Variants in SGCD observed in about 807,000 individuals in gnomAD.
The protein encoded by SGCD is sarcoglycan delta.
SGCD carries 18 observed loss-of-function variants against 36.6 expected under a neutral mutation model. That is an observed-to-expected ratio of 0.49 (90% CI 0.34 to 0.73). The LOEUF is 0.73. SGCD is among the 30% of genes least tolerant of loss of function. SGCD has a pLI of 0.01. For synonymous variants in SGCD, 133 were observed against 130.6 expected (o/e 1.02, Z -0.12); for missense variants, 387 against 346.7 (o/e 1.12, Z -0.92).
chr5:156,245,996 T>C (rs192760762), intron 3 of SGCD, among the ~76,000 whole-genome samples: 5 of 152,282 alleles, frequency 3.3e-5, no homozygotes, highest in African/African-American at 1.2e-4. Flanking sequence ...AAACTATACA[T>C]ACAACCACAG....
intron 3 of SGCD, among the ~76,000 whole-genome samples, chr5:156,374,272 C>T (rs896842332): frequency 6.6e-6 from 1 of 152,122 alleles, no homozygotes; most frequent in Non-Finnish European, 1.5e-5. Flanking sequence ...CAGAAAATAC[C>T]TGTGAAACAA....
At chr5:156,447,341 T>C (rs894623306) in intron 3 of SGCD, among the ~76,000 whole-genome samples, 1 of 152,134 alleles carries the variant, frequency 6.6e-6, no homozygotes, top group African/African-American at 2.4e-5. Flanking sequence ...TAATACAATA[T>C]AACACACAAA....
chr5:156,169,591 A>G (rs1301676832), intron 3 of SGCD, among the ~76,000 whole-genome samples: 1 of 152,178 alleles, frequency 6.6e-6, no homozygotes, highest in Non-Finnish European at 1.5e-5. Flanking sequence ...ACTATATAAG[A>G]TGCCAGGTGA....
At chr5:156,607,738 A>G (rs141873448) in intron 6 of SGCD, among the ~76,000 whole-genome samples, 16,461 of 152,176 alleles carry the variant, frequency 0.11, 1,148 homozygotes, top group Admixed American at 0.17. Context: ...TTATTGGTCT[A>G]TTCAGAGATT....
In SGCD at chr5:156,760,548, C is replaced by G. The variant is rs1043320685; in HGVS notation, c.*1158C>G. The G allele has an allele frequency of 7.2e-5, 11 of 152,568 alleles. No homozygotes were observed. The highest frequency in any genetic ancestry group is 2.4e-4 in the African/African-American group (10 of 41,428). The allele number at this position is 152,568 out of a possible 1,614,324, so 9.5% of individuals were successfully genotyped here. On this transcript the variant is annotated 3_prime_UTR_variant, in exon 9 of 9. Transcript: ENST00000337851. ...CCACTATTGTGTTTTCTCTAAGAAGCACTACATGCCACCAGAATTGTGCAC... is the reference window on the plus strand; with the variant it reads ...CCACTATTGTGTTTTCTCTAAGAAGGACTACATGCCACCAGAATTGTGCAC...
chr5:156,445,388 T>C (rs1465228717), intron 3 of SGCD, among the ~76,000 whole-genome samples: 1 of 152,092 alleles, frequency 6.6e-6, no homozygotes, highest in Admixed American at 6.5e-5. Flanking sequence ...GGTTACAAAA[T>C]AGGAATGTAT....
the SGCD span, among the ~76,000 whole-genome samples, chr5:155,852,501 C>G: frequency 6.6e-6 from 1 of 152,012 alleles, no homozygotes; most frequent in African/African-American, 2.4e-5. Flanking sequence ...AATTATTTCT[C>G]TATGGTAAAT....
At chr5:155,951,006 C>A (rs2113430153) in intron 1 of SGCD, among the ~76,000 whole-genome samples, 1 of 152,228 alleles carries the variant, frequency 6.6e-6, no homozygotes, top group East Asian at 1.9e-4. Flanking sequence ...AGTCTTTGAA[C>A]TTCATAGGAT....
intron 1 of SGCD, among the ~76,000 whole-genome samples, chr5:155,967,764 A>G (rs974492255): frequency 3.3e-5 from 5 of 152,048 alleles, no homozygotes; most frequent in African/African-American, 1.2e-4. Context: ...ATTTGCTTTC[A>G]CTGCCTCGAT....
the SGCD span, among the ~76,000 whole-genome samples, chr5:155,739,287 A>G: frequency 1.3e-5 from 2 of 152,182 alleles, no homozygotes; most frequent in African/African-American, 4.8e-5. Flanking sequence ...AGTATCTGCT[A>G]AAAGATCTTT....
intron 3 of SGCD, among the ~76,000 whole-genome samples, chr5:156,190,868 G>C (rs1763875353): frequency 1.3e-5 from 2 of 151,960 alleles, no homozygotes; most frequent in Admixed American, 1.3e-4. Flanking sequence ...AACTTCTTTA[G>C]AATTTAAAGT....
At position 156,595,191 on chromosome 5, in the gene SGCD, A is replaced by T. The variant is rs145889572; in HGVS notation, c.502+140A>T. ...TAACTCCCAAGATAATGGTATTAGG[A>T]GGTGGAGCCTTGAGGGGTAATTAAG... On this transcript the variant is annotated intron_variant, in intron 6 of 8. Transcript: ENST00000337851. 3.0e-4 allele frequency: 305 copies of T among 1,027,690 alleles called. No individual in the cohort carries two copies. The African/African-American group carries it at 4.2e-3, about 14-fold the overall frequency. The allele number at this position is 1,027,690 out of a possible 1,614,324, so 63.7% of individuals were successfully genotyped here. A position where few individuals can be genotyped will look rare whatever the true frequency, so the allele number is the denominator to read the frequency against.
intron 7 of SGCD, among the ~76,000 whole-genome samples, chr5:156,719,637 C>T (rs1755393903): frequency 6.6e-6 from 1 of 151,936 alleles, no homozygotes; most frequent in Admixed American, 6.6e-5. Flanking sequence ...GATGGTGTTG[C>T]ACTATACAAT....
At chr5:156,747,345 T>C (rs1395467631) in intron 7 of SGCD, among the ~76,000 whole-genome samples, 1 of 152,176 alleles carries the variant, frequency 6.6e-6, no homozygotes, top group Non-Finnish European at 1.5e-5. Flanking sequence ...TTACCTTTCA[T>C]TTTCTGTAGG....
At chr5:156,719,769 A>T (rs1163829216) in intron 7 of SGCD, among the ~76,000 whole-genome samples, 3 of 152,120 alleles carry the variant, frequency 2.0e-5, no homozygotes, top group Non-Finnish European at 4.4e-5. Flanking sequence ...GGGAACCAAC[A>T]AGATGACCCT....
intron 3 of SGCD, among the ~76,000 whole-genome samples, chr5:156,492,715 G>GC (rs1232696085): frequency 6.6e-6 from 1 of 151,940 alleles, no homozygotes; most frequent in South Asian, 2.1e-4. Flanking sequence ...ATCTATCCTA[G>GC]CCCCCACCAC....
intron 3 of SGCD, among the ~76,000 whole-genome samples, chr5:156,443,596 T>C (rs1753600246): frequency 6.6e-6 from 1 of 152,132 alleles, no homozygotes; most frequent in African/African-American, 2.4e-5. Context: ...CACTGCTAAT[T>C]GGGTGTAATT....
At chr5:156,531,992 C>T (rs1435921501) in intron 4 of SGCD, among the ~76,000 whole-genome samples, 1 of 151,880 alleles carries the variant, frequency 6.6e-6, no homozygotes, top group Admixed American at 6.6e-5. Context: ...CGCCTGTAAT[C>T]CCAGCTACTC....
intron 7 of SGCD, among the ~76,000 whole-genome samples, chr5:156,679,203 C>T (rs995306229): frequency 1.3e-5 from 2 of 152,062 alleles, no homozygotes; most frequent in Non-Finnish European, 2.9e-5. Flanking sequence ...TTTCTAAGGA[C>T]CTCCTTCTAG....
Sources: gnomAD v4.1 joint callset for allele counts (sites outside exome capture counted in the v4.1 genomes callset) on GRCh38, gnomAD v4.1.1 for gene constraint, MANE v1.5 for transcripts, NCBI Gene and HGNC (gene_info 2026-07-23, HGNC 2026-07-21) for gene names.